Variants in DNAJC3 observed in about 807,000 individuals in gnomAD.
DNAJC3 encodes the protein DnaJ heat shock protein family (Hsp40) member C3.
Under a neutral mutation model 68.6 loss-of-function variants are expected in DNAJC3, and 38 were observed. That is an observed-to-expected ratio of 0.55 (90% CI 0.43 to 0.73). The LOEUF (loss-of-function observed/expected upper bound fraction) is 0.73. Ranked by LOEUF, DNAJC3 falls within the 30% of genes least tolerant of loss-of-function variation. The pLI is 0.00. For missense variants in DNAJC3, 526 were observed against 591.9 expected (o/e 0.89, Z 1.16); for synonymous variants, 203 against 204.0 (o/e 1.00, Z 0.04).
At chr13:95,748,922 T>A (rs1259823867) in intron 4 of DNAJC3, among the ~76,000 whole-genome samples, 1 of 152,216 alleles carries the variant, frequency 6.6e-6, no homozygotes. Flanking sequence ...ATAAAGTCAT[T>A]TTGGTTATAA....
In DNAJC3 at chr13:95,709,425, C is replaced by T. The variant is rs17882582; in HGVS notation, c.193+88C>T. On this transcript the variant is annotated intron_variant, in intron 2 of 11. Transcript: ENST00000602402. ...TTTTAAAAATAACATTTAAAATAAACATTATTTCATGTTTAAATAAAACAT... is the reference window on the plus strand; with the variant it reads ...TTTTAAAAATAACATTTAAAATAAATATTATTTCATGTTTAAATAAAACAT... The T allele has an allele frequency of 1.6e-3, 1,404 of 903,418 alleles. 6 individuals carry two copies. The highest frequency in any genetic ancestry group is 3.4e-3 in the Middle Eastern group (14 of 4,130). 56.0% of individuals were successfully genotyped at this position (903,418 alleles called of 1,614,324 possible).
At chr13:95,748,845 C>A (rs1385910730) in intron 4 of DNAJC3, among the ~76,000 whole-genome samples, 2 of 151,986 alleles carry the variant, frequency 1.3e-5, no homozygotes, top group Non-Finnish European at 2.9e-5. Context: ...ACAAAAAAAC[C>A]CAAAGTTTTA....
chr13:95,740,477 G>T (rs1344104934), intron 4 of DNAJC3, among the ~76,000 whole-genome samples: 1 of 152,210 alleles, frequency 6.6e-6, no homozygotes, highest in African/African-American at 2.4e-5. Flanking sequence ...CGTGGGCGTA[G>T]GACCCTCCGA....
chr13:95,721,309 ATCCACTGATGG>A (rs1195717290), intron 2 of DNAJC3, among the ~76,000 whole-genome samples: 1 of 152,210 alleles, frequency 6.6e-6, no homozygotes, highest in Non-Finnish European at 1.5e-5. Flanking sequence ...TTATCCATTC[ATCCACTGATGG>A]ACTTCGGGGT....
rs1032658226 is a variant in DNAJC3, at chr13:95,750,112, A to T, written c.394-7532A>T. The stretch of plus-strand genomic sequence containing the variant: ...AGGCAGCTGCCTACTTGACATTTAG[A>T]TGTCTCCAATCGAACGCCTAAATGG... On this transcript the variant is annotated intron_variant, in intron 4 of 11. Transcript: ENST00000602402. Among the ~76,000 whole-genome samples, 3 of 152,076 alleles carry T rather than the reference A, an allele frequency of 2.0e-5. No individual in the cohort carries two copies. In the South Asian group the frequency reaches 6.2e-4, roughly 32 times the overall value.
At chr13:95,731,602 G>A (rs1881712525) in intron 4 of DNAJC3, among the ~76,000 whole-genome samples, 1 of 152,164 alleles carries the variant, frequency 6.6e-6, no homozygotes, top group South Asian at 2.1e-4. Flanking sequence ...ATCACATACT[G>A]ATTTCTAAAT....
chr13:95,679,834 AGAAAT>A (rs1377552371), intron 1 of DNAJC3, among the ~76,000 whole-genome samples: 1 of 152,360 alleles, frequency 6.6e-6, no homozygotes, highest in East Asian at 1.9e-4. Flanking sequence ...TTTTAAAAAA[AGAAAT>A]GAAGGAGAAT....
chr13:95,790,096 G>A (rs966924786), intron 11 of DNAJC3, among the ~76,000 whole-genome samples: 4 of 152,112 alleles, frequency 2.6e-5, no homozygotes, highest in African/African-American at 4.8e-5. Flanking sequence ...CTGTGTAGAA[G>A]CTCTTTAGTT....
intron 1 of DNAJC3, among the ~76,000 whole-genome samples, chr13:95,703,648 A>G (rs1880639633): frequency 6.6e-6 from 1 of 152,240 alleles, no homozygotes; most frequent in African/African-American, 2.4e-5. Context: ...CAGAATCTAA[A>G]TTATGAAGAT....
chr13:95,777,682 T>C (rs1047443494), intron 9 of DNAJC3, among the ~76,000 whole-genome samples: 1 of 152,112 alleles, frequency 6.6e-6, no homozygotes, highest in African/African-American at 2.4e-5. Context: ...AAAGCAAATA[T>C]TGACAGAATT....
intron 9 of DNAJC3, among the ~76,000 whole-genome samples, chr13:95,782,448 C>T (rs1030020554): frequency 6.6e-6 from 1 of 152,224 alleles, no homozygotes; most frequent in Non-Finnish European, 1.5e-5. Context: ...TATTTCTCTA[C>T]ATCCTCTCCA....
At chr13:95,789,684 C>A (rs1217938488) in intron 11 of DNAJC3, among the ~76,000 whole-genome samples, 2 of 152,130 alleles carry the variant, frequency 1.3e-5, no homozygotes, top group Admixed American at 6.5e-5. Flanking sequence ...AATGAGATTG[C>A]TGAGTTGAAT....
At chr13:95,768,562 C>T (rs1883072939) in intron 9 of DNAJC3, among the ~76,000 whole-genome samples, 1 of 152,160 alleles carries the variant, frequency 6.6e-6, no homozygotes, top group South Asian at 2.1e-4. Flanking sequence ...TAAAGTTTAT[C>T]TTTTGATTCC....
intron 1 of DNAJC3, among the ~76,000 whole-genome samples, chr13:95,680,085 T>C (rs1879873460): frequency 6.6e-6 from 1 of 152,224 alleles, no homozygotes; most frequent in African/African-American, 2.4e-5. Flanking sequence ...ATCGAATTTT[T>C]GGAATAGAAA....
At chr13:95,735,893 G>C (rs1307396813) in intron 4 of DNAJC3, among the ~76,000 whole-genome samples, 1 of 152,152 alleles carries the variant, frequency 6.6e-6, no homozygotes, top group Non-Finnish European at 1.5e-5. Flanking sequence ...TGAAGTCTTT[G>C]CCCATGCCTA....
chr13:95,706,314 T>C (rs995446433), intron 1 of DNAJC3, among the ~76,000 whole-genome samples: 19 of 152,236 alleles, frequency 1.2e-4, no homozygotes, highest in African/African-American at 4.6e-4. Context: ...AGTAAAACTT[T>C]AGTTACAAAA....
intron 2 of DNAJC3, among the ~76,000 whole-genome samples, chr13:95,723,027 C>T (rs1271499369): frequency 6.6e-6 from 1 of 151,720 alleles, no homozygotes; most frequent in East Asian, 1.9e-4. Context: ...GTCTGTAGGT[C>T]GGATGTGGCT....
Position 95,681,133 on chromosome 13 carries a change from C to G in DNAJC3, c.82+3796C>G, listed in dbSNP as rs141068119. ...TGTGAAGCATTCACGTCCTCTTTTT[C>G]TCCTTTCCCGCTTTAGACTGAGTGG... On this transcript the variant is annotated intron_variant, in intron 1 of 11. Transcript: ENST00000602402. Among the ~76,000 whole-genome samples, 416 of 152,282 alleles carry G rather than the reference C, an allele frequency of 2.7e-3. 2 individuals are homozygous for G. The highest frequency in any genetic ancestry group is 9.6e-3 in the African/African-American group (399 of 41,554).
intron 3 of DNAJC3, among the ~76,000 whole-genome samples, chr13:95,724,576 A>G (rs1881443910): frequency 6.6e-6 from 1 of 152,214 alleles, no homozygotes; most frequent in East Asian, 1.9e-4. Flanking sequence ...GGTTTTTAGT[A>G]TATTCACAAG....
Sources: allele counts gnomAD v4.1 joint callset (sites outside exome capture counted in the v4.1 genomes callset), GRCh38; gene constraint gnomAD v4.1.1; transcripts MANE v1.5; gene names NCBI Gene and HGNC (gene_info 2026-07-23, HGNC 2026-07-21).